Variants in SHTN1 observed in about 807,000 individuals in gnomAD.
SHTN1 encodes the protein shootin 1.
Under a neutral mutation model 83.1 loss-of-function variants are expected in SHTN1, and 42 were observed. The ratio of observed to expected loss-of-function variants is 0.51; its 90% CI spans 0.39 to 0.65. The LOEUF is 0.65. Ranked by LOEUF, SHTN1 falls within the 30% of genes least tolerant of loss-of-function variation. The probability of loss-of-function intolerance (pLI) is 0.00; values close to 1 mark genes in which losing one functional copy is unlikely to be tolerated. For synonymous variants in SHTN1, 224 were observed against 247.7 expected (o/e 0.90, Z 0.90); for missense variants, 622 against 737.8 (o/e 0.84, Z 1.82).
intron 1 of SHTN1, among the ~76,000 whole-genome samples, chr10:117,115,950 G>A (rs1388270397): frequency 2.0e-5 from 3 of 151,958 alleles, no homozygotes; most frequent in African/African-American, 7.3e-5. Flanking sequence ...TACAATCTTG[G>A]ACAAATAAAA....
chr10:116,922,571 C>T (rs1388931472), intron 11 of SHTN1, among the ~76,000 whole-genome samples: 1 of 152,072 alleles, frequency 6.6e-6, no homozygotes, highest in Non-Finnish European at 1.5e-5. Flanking sequence ...TCCATCAGCA[C>T]CACAATGGAT....
At chr10:117,011,189 A>G (rs1358725861) in intron 2 of SHTN1, among the ~76,000 whole-genome samples, 1 of 152,246 alleles carries the variant, frequency 6.6e-6, no homozygotes, top group East Asian at 1.9e-4. Flanking sequence ...AAAAGCTACT[A>G]GAGCTAATAG....
At chr10:116,947,138 CA>C (rs970593466) in intron 7 of SHTN1, among the ~76,000 whole-genome samples, 2 of 152,136 alleles carry the variant, frequency 1.3e-5, no homozygotes, top group Non-Finnish European at 2.9e-5. Context: ...CCGAAAGCTT[CA>C]AAAGGTCCTG....
intron 1 of SHTN1, among the ~76,000 whole-genome samples, chr10:117,112,089 C>T (rs1417224342): frequency 6.6e-6 from 1 of 152,138 alleles, no homozygotes; most frequent in African/African-American, 2.4e-5. Flanking sequence ...CTTCAGCCTC[C>T]CAAGTAGCTG....
chr10:117,096,551 T>C (rs183102973), intron 1 of SHTN1, among the ~76,000 whole-genome samples: 8 of 152,370 alleles, frequency 5.3e-5, no homozygotes, highest in Admixed American at 1.3e-4. Context: ...ACATACAATA[T>C]AGACCAACAT....
intron 2 of SHTN1, among the ~76,000 whole-genome samples, chr10:116,975,832 C>T (rs780142958): frequency 6.6e-6 from 1 of 152,126 alleles, no homozygotes; most frequent in Non-Finnish European, 1.5e-5. Flanking sequence ...TATACAAACA[C>T]ATGTGAATGT....
At chr10:116,981,233 C>T (rs1458646420) in intron 1 of SHTN1, among the ~76,000 whole-genome samples, 1 of 152,072 alleles carries the variant, frequency 6.6e-6, no homozygotes, top group Non-Finnish European at 1.5e-5. Flanking sequence ...GCAGGAGAAT[C>T]GCGTGAACCC....
intron 2 of SHTN1, among the ~76,000 whole-genome samples, chr10:117,035,722 T>A (rs112157782): frequency 6.6e-6 from 1 of 151,914 alleles, no homozygotes; most frequent in Admixed American, 6.6e-5. Flanking sequence ...GAGGCTGAGG[T>A]AGGCGTCAAG....
upstream of SHTN1, among the ~76,000 whole-genome samples, chr10:117,006,694 T>G (rs572637168): frequency 2.0e-5 from 3 of 152,230 alleles, no homozygotes; most frequent in Admixed American, 6.5e-5. Flanking sequence ...TGAATTAGAC[T>G]TATTGCACAG....
chr10:117,113,309 A>C (rs756298717), intron 1 of SHTN1, among the ~76,000 whole-genome samples: 5 of 152,220 alleles, frequency 3.3e-5, no homozygotes, highest in Non-Finnish European at 7.3e-5. Flanking sequence ...ATCATGTCAA[A>C]AGAGCAGAAA....
At chr10:116,888,352 G>A (rs2133298005) in intron 16 of SHTN1, among the ~76,000 whole-genome samples, 1 of 152,312 alleles carries the variant, frequency 6.6e-6, no homozygotes, top group East Asian at 1.9e-4. Flanking sequence ...TGTGATGGGA[G>A]AAGCAGAACA....
chr10:117,002,930 T>C (rs1000261039), intron 1 of SHTN1, among the ~76,000 whole-genome samples: 1 of 152,208 alleles, frequency 6.6e-6, no homozygotes, highest in Non-Finnish European at 1.5e-5. Context: ...ATTTGTTTAT[T>C]TTCCAATACA....
chr10:117,118,074 A>C (rs920776615), intron 1 of SHTN1, among the ~76,000 whole-genome samples: 20 of 152,340 alleles, frequency 1.3e-4, no homozygotes, highest in South Asian at 8.3e-4. Context: ...CTGCACAGCA[A>C]AGGAAACAAA....
At chr10:117,030,744 G>C (rs1331889671) in intron 2 of SHTN1, among the ~76,000 whole-genome samples, 1 of 151,866 alleles carries the variant, frequency 6.6e-6, no homozygotes, top group Non-Finnish European at 1.5e-5. Context: ...TTTAGTAGCA[G>C]AATTGATCAA....
chr10:117,064,422 A>C (rs1443537392), intron 1 of SHTN1, among the ~76,000 whole-genome samples: 1 of 152,200 alleles, frequency 6.6e-6, no homozygotes, highest in Non-Finnish European at 1.5e-5. Flanking sequence ...TTGGGAGGCC[A>C]AGGCAGGCGG....
chr10:117,087,137 T>C (rs1029767934), intron 1 of SHTN1, among the ~76,000 whole-genome samples: 1 of 152,134 alleles, frequency 6.6e-6, no homozygotes, highest in African/African-American at 2.4e-5. Context: ...TATTGCTTAA[T>C]GGGTGCAATA....
chr10:117,030,638 G>A (rs1246470868), intron 2 of SHTN1, among the ~76,000 whole-genome samples: 3 of 151,932 alleles, frequency 2.0e-5, no homozygotes, highest in African/African-American at 4.8e-5. Context: ...AATACTATCA[G>A]ACCAATTTAA....
Position 116,915,468 on chromosome 10 carries a change from A to C in SHTN1, c.1212T>G (p.Asp404Glu). 6.3e-7 allele frequency: 1 copy of C among 1,598,894 alleles called. No homozygotes were observed. Among genetic ancestry groups the C allele is most frequent in the Non-Finnish European group, 8.6e-7 (1 of 1,166,284 alleles). ...TQPETTEEVTDLKRQAVEEMM... is the reference protein window; with the variant it reads ...TQPETTEEVTELKRQAVEEMM... Reference sequence around the variant, plus strand: ...TCTCTTCAACTGCTTGCCTCTTTAGATCTGTGACTTCTTCAGCTGTTCAAA... The same window carrying C: ...TCTCTTCAACTGCTTGCCTCTTTAGCTCTGTGACTTCTTCAGCTGTTCAAA... The change falls in exon 13 of 17, where the codon GAT (aspartate) becomes GAG (glutamate). Residue 404 changes from aspartate (D) to glutamate (E), a missense_variant. By Grantham distance (45) the Asp-to-Glu change is conservative. This residue lies in a region of SHTN1 where 8 missense variants were observed against 30.5 expected (regional missense o/e 0.26). Coordinates refer to ENST00000355371, the MANE Select transcript of SHTN1 (RefSeq NM_001127211.3).
chr10:117,042,180 C>T (rs1368269921), intron 2 of SHTN1, among the ~76,000 whole-genome samples: 1 of 152,204 alleles, frequency 6.6e-6, no homozygotes, highest in Non-Finnish European at 1.5e-5. Flanking sequence ...AATGGTAGCT[C>T]ACTAGCTGCA....
Sources: gnomAD v4.1 joint callset for allele counts (sites outside exome capture counted in the v4.1 genomes callset) on GRCh38, gnomAD v4.1.1 for gene constraint, gnomAD v4.1.1 regional missense constraint, MANE v1.5 for transcripts, NCBI Gene and HGNC (gene_info 2026-07-23, HGNC 2026-07-21) for gene names.